Variants in RMI2 observed in about 807,000 individuals in gnomAD.
RMI2 encodes recQ-mediated genome instability protein 2.
In RMI2, 11 loss-of-function variants were observed where a neutral mutation model predicts 8.4. The observed-to-expected ratio is 1.32, with a 90% CI of 0.83 to 2.18. The LOEUF is 2.18. RMI2 is among the 30% of genes most tolerant of loss of function. The probability of loss-of-function intolerance (pLI) is 0.00; values close to 1 mark genes in which losing one functional copy is unlikely to be tolerated. For synonymous variants in RMI2, 105 were observed against 93.8 expected, an observed-to-expected ratio of 1.12 and a Z score of -0.69; for missense variants, 253 against 207.5, an observed-to-expected ratio of 1.22 and a Z score of -1.35.
Position 11,345,654 on chromosome 16 carries a change from G to A in RMI2, c.183G>A (p.Gln61=), listed in dbSNP as rs2141209714. 3 of 1,269,532 alleles carry A rather than the reference G, an allele frequency of 2.4e-6. No homozygotes were observed. Among genetic ancestry groups the A allele is most frequent in the Non-Finnish European group, 3.0e-6 (3 of 1,008,950 alleles). The allele number at this position is 1,269,532 out of a possible 1,614,324, so 78.6% of individuals were successfully genotyped here. ...TGGACCTGGCGGCCGTGTGGATGCA[G>A]GGCAGGGTAGTGATGGCGGACCGCG... ...GPLDLAAVWM[Q]GRVVMADRGE... Residue 61 remains glutamine (Q), a synonymous_variant, in exon 1 of 2, where the codon CAG becomes CAA. Coordinates refer to ENST00000312499, the MANE Select transcript of RMI2 (RefSeq NM_152308.3).
chr16:11,347,204 T>C (rs1398152142), intron 1 of RMI2, among the ~76,000 whole-genome samples: 2 of 152,168 alleles, frequency 1.3e-5, no homozygotes, highest in Admixed American at 6.5e-5. Context: ...GCCATGAGGA[T>C]GTGCAAGGTG....
In RMI2 at chr16:11,350,728, A is replaced by T. The variant is rs767881992; in HGVS notation, c.382A>T (p.Asn128Tyr). Residue 128 changes from asparagine (N) to tyrosine (Y), a missense_variant, in exon 2 of 2, where the codon AAT becomes TAT. By Grantham distance (143) the Asn-to-Tyr change is moderately radical (BLOSUM62 -2). Coordinates refer to ENST00000312499, the MANE Select transcript of RMI2 (RefSeq NM_152308.3). The stretch of plus-strand genomic sequence containing the variant: ...TGTGAAGATGACAGACCTTTCTGAT[A>T]ATCCCATCCATGAAAGTATGTGGGA... ...QAVKMTDLSDNPIHESMWELE... is the reference protein window; with the variant it reads ...QAVKMTDLSDYPIHESMWELE... 1.9e-6 allele frequency: 3 copies of T among 1,613,526 alleles called. No homozygotes were observed. Among genetic ancestry groups the T allele is most frequent in the Non-Finnish European group, 1.7e-6 (2 of 1,179,506 alleles).
Position 11,351,054 on chromosome 16 carries a change from G to C in RMI2, c.*264G>C. ...TGTTTCATTTTCCTTCCTGGTTTGT[G>C]TGTGTTAATTCTCTCTCTCTCTCTC... On this transcript the variant is annotated 3_prime_UTR_variant, in exon 2 of 2. Transcript: ENST00000312499. 5.9e-6 allele frequency: 2 copies of C among 339,884 alleles called. No homozygotes were observed. The highest frequency in any genetic ancestry group is 1.1e-5 in the Non-Finnish European group (2 of 186,294). 21.1% of individuals were successfully genotyped at this position (339,884 alleles called of 1,614,324 possible). A position where few individuals can be genotyped will look rare whatever the true frequency, so the allele number is the denominator to read the frequency against.
intron 1 of RMI2, 136 bp downstream of exon 1, chr16:11,345,902 G>A (rs1184071282): frequency 3.1e-6 from 2 of 653,984 alleles, no homozygotes; most frequent in Non-Finnish European, 4.3e-6. Context: ...CTGCCCCTGC[G>A]GGTCCCCGCT....
At position 11,345,511 on chromosome 16, in the gene RMI2, G is replaced by C. The variant is rs901712078; in HGVS notation, c.40G>C (p.Gly14Arg). 1.2e-5 allele frequency: 16 copies of C among 1,305,582 alleles called. No homozygotes were observed. Among genetic ancestry groups the C allele is most frequent in the Non-Finnish European group, 1.6e-5 (16 of 1,022,422 alleles). 80.9% of individuals were successfully genotyped at this position (1,305,582 alleles called of 1,614,324 possible). ...GGACTCGTTCTCAGGCGGCCCCGCG[G>C]GGGTGCGGCTTCCGAGGTCGCCGCC... ...AADSFSGGPAGVRLPRSPPLK... is the reference protein window; with the variant it reads ...AADSFSGGPARVRLPRSPPLK... Residue 14 changes from glycine (G) to arginine (R), a missense_variant, in exon 1 of 2, where the codon GGG becomes CGG. Physicochemically the swap from Gly to Arg is moderately radical, Grantham distance 125. Transcript: ENST00000312499.
rs1185235180 is a variant in RMI2 at position 11,345,502 on chromosome 16, G to A, written c.31G>A (p.Gly11Ser). 1 of 1,310,704 alleles carries A rather than the reference G, an allele frequency of 7.6e-7. No homozygotes were observed. The highest frequency in any genetic ancestry group is 2.2e-5 in the South Asian group (1 of 44,764). The allele number at this position is 1,310,704 out of a possible 1,614,324, so 81.2% of individuals were successfully genotyped here. A position where few individuals can be genotyped will look rare whatever the true frequency, so the allele number is the denominator to read the frequency against. Reference sequence around the variant, plus strand: ...GGCGGCTGCGGACTCGTTCTCAGGCGGCCCCGCGGGGGTGCGGCTTCCGAG... The same window carrying A: ...GGCGGCTGCGGACTCGTTCTCAGGCAGCCCCGCGGGGGTGCGGCTTCCGAG... Reference protein sequence around the residue: MAAAADSFSGGPAGVRLPRSP... With the variant: MAAAADSFSGSPAGVRLPRSP... Residue 11 changes from glycine to serine, a missense_variant, in exon 1 of 2, where the codon GGC becomes AGC. Transcript: ENST00000312499.
chr16:11,351,621 G>C lies in RMI2; in HGVS notation c.*831G>C. The C allele has an allele frequency of 4.3e-6, 1 of 231,654 alleles. No individual in the cohort carries two copies. The highest frequency in any genetic ancestry group is 6.1e-5 in the East Asian group (1 of 16,336). The allele number at this position is 231,654 out of a possible 1,614,324, so 14.3% of individuals were successfully genotyped here. Reference sequence around the variant, plus strand: ...TTTTGCTGTGATGGTTTTGAATGTTGGGTTTCTGCTGTCTGCTTAGTACCC... The same window carrying C: ...TTTTGCTGTGATGGTTTTGAATGTTCGGTTTCTGCTGTCTGCTTAGTACCC... On this transcript the variant is annotated 3_prime_UTR_variant, in exon 2 of 2. Coordinates refer to ENST00000312499, the MANE Select transcript of RMI2 (RefSeq NM_152308.3).
intron 1 of RMI2, 88 bp downstream of exon 1, chr16:11,345,854 G>C (rs1050204922): frequency 8.3e-6 from 9 of 1,078,320 alleles, no homozygotes; most frequent in Non-Finnish European, 1.1e-5. Context: ...GTTGACACTC[G>C]AACGGGGGCG....
At position 11,345,572 on chromosome 16, in the gene RMI2, C is replaced by T; in HGVS notation, c.101C>T (p.Ala34Val). 8.2e-7 allele frequency: 1 copy of T among 1,226,286 alleles called. No homozygotes were observed. Among genetic ancestry groups the T allele is most frequent in the Non-Finnish European group, 1.0e-6 (1 of 985,152 alleles). The allele number at this position is 1,226,286 out of a possible 1,614,324, so 76.0% of individuals were successfully genotyped here. ...CTGGCGGAGCAGCTGCGGCGCGACG[C>T]GGAGGGCGGCCCGGGCGCGTGGCGG... ...KVLAEQLRRD[A>V]EGGPGAWRLS... The change falls in exon 1 of 2, where the codon GCG (alanine) becomes GTG (valine). Residue 34 changes from alanine to valine, a missense_variant. Transcript: ENST00000312499.
In RMI2 at chr16:11,345,772, G is replaced by A. The variant is rs2070853709; in HGVS notation, c.295+6G>A. ...GCGGCCCTGTCTAGTCCCAGGTAATGCCCGGGCCTTACCGGGCGCCCTCTT... is the reference window on the plus strand; with the variant it reads ...GCGGCCCTGTCTAGTCCCAGGTAATACCCGGGCCTTACCGGGCGCCCTCTT... On this transcript the variant is annotated splice_donor_region_variant and intron_variant, in intron 1 of 1. Coordinates refer to ENST00000312499, the MANE Select transcript of RMI2 (RefSeq NM_152308.3). 4.0e-6 allele frequency: 5 copies of A among 1,235,150 alleles called. No individual in the cohort carries two copies. In the South Asian group the frequency reaches 1.6e-4, roughly 40 times the overall value. 76.5% of individuals were successfully genotyped at this position (1,235,150 alleles called of 1,614,324 possible). A position where few individuals can be genotyped will look rare whatever the true frequency, so the allele number is the denominator to read the frequency against.
At position 11,351,289 on chromosome 16, in the gene RMI2, G is replaced by T. The variant is rs1441052164; in HGVS notation, c.*499G>T. On this transcript the variant is annotated 3_prime_UTR_variant, in exon 2 of 2. Transcript: ENST00000312499. The stretch of plus-strand genomic sequence containing the variant: ...TCTTCATCAGCAACTACCATAACCA[G>T]TTTGCGAGTCAAATGGCATTTCCTA... 4 of 232,932 alleles carry T rather than the reference G, an allele frequency of 1.7e-5. No homozygotes were observed. The highest frequency in any genetic ancestry group is 1.1e-4 in the Admixed American group (2 of 17,774). 14.4% of individuals were successfully genotyped at this position (232,932 alleles called of 1,614,324 possible).
intron 1 of RMI2, among the ~76,000 whole-genome samples, chr16:11,346,608 T>A (rs2070875459): frequency 6.6e-6 from 1 of 152,060 alleles, no homozygotes; most frequent in African/African-American, 2.4e-5. Context: ...CCAGCATCAG[T>A]CTCTCCTGGA....
chr16:11,351,691 G>C lies in RMI2; in HGVS notation c.*901G>C, dbSNP rs2070978362. ...TTGTAAATATCAAAGGAGTTAGATTGTGTTCTGACATGGTTGTAGACTTTC... is the reference window on the plus strand; with the variant it reads ...TTGTAAATATCAAAGGAGTTAGATTCTGTTCTGACATGGTTGTAGACTTTC... On this transcript the variant is annotated 3_prime_UTR_variant, in exon 2 of 2. Coordinates refer to ENST00000312499, the MANE Select transcript of RMI2 (RefSeq NM_152308.3). 1 of 225,860 alleles carries C rather than the reference G, an allele frequency of 4.4e-6. No individual in the cohort carries two copies. Among genetic ancestry groups the C allele is most frequent in the Admixed American group, 5.7e-5 (1 of 17,550 alleles). 14.0% of individuals were successfully genotyped at this position (225,860 alleles called of 1,614,324 possible). A position where few individuals can be genotyped will look rare whatever the true frequency, so the allele number is the denominator to read the frequency against.
In RMI2 at chr16:11,351,319, C is replaced by T. The variant is rs1436268609; in HGVS notation, c.*529C>T. The T allele has an allele frequency of 4.3e-6, 1 of 232,876 alleles. No homozygotes were observed. Among genetic ancestry groups the T allele is most frequent in the Non-Finnish European group, 8.5e-6 (1 of 117,832 alleles). The allele number at this position is 232,876 out of a possible 1,614,324, so 14.4% of individuals were successfully genotyped here. On this transcript the variant is annotated 3_prime_UTR_variant, in exon 2 of 2. Coordinates refer to ENST00000312499, the MANE Select transcript of RMI2 (RefSeq NM_152308.3). ...CGAGTCAAATGGCATTTCCTAACGGCAGGCATGGCGGCCCCTGAAAGACAA... is the reference window on the plus strand; with the variant it reads ...CGAGTCAAATGGCATTTCCTAACGGTAGGCATGGCGGCCCCTGAAAGACAA...
intron 1 of RMI2, among the ~76,000 whole-genome samples, chr16:11,346,418 C>T (rs2070871998): frequency 6.6e-6 from 1 of 152,140 alleles, no homozygotes; most frequent in African/African-American, 2.4e-5. Flanking sequence ...TGCCACCACA[C>T]CCGGCTAATT....
chr16:11,350,760 G>A lies in RMI2; in HGVS notation c.414G>A (p.Glu138=), dbSNP rs147209311. 2.9e-5 allele frequency: 47 copies of A among 1,612,420 alleles called. No individual in the cohort carries two copies. The highest frequency in any genetic ancestry group is 3.8e-5 in the Non-Finnish European group (45 of 1,179,420). Residue 138 remains glutamate (E), a synonymous_variant, in exon 2 of 2, where the codon GAG becomes GAA. Transcript: ENST00000312499. Reference sequence around the variant, plus strand: ...TCCATGAAAGTATGTGGGAACTGGAGGTAGAAGATTTACACAGGAATATTC... The same window carrying A: ...TCCATGAAAGTATGTGGGAACTGGAAGTAGAAGATTTACACAGGAATATTC... ...NPIHESMWEL[E]VEDLHRNIP is the part of the protein sequence containing the mutation.
chr16:11,345,794 T>G lies in RMI2; in HGVS notation c.295+28T>G, dbSNP rs2070854654. 4 of 1,228,028 alleles carry G rather than the reference T, an allele frequency of 3.3e-6. No homozygotes were observed. In the Admixed American group the frequency reaches 1.7e-4, roughly 52 times the overall value. 76.1% of individuals were successfully genotyped at this position (1,228,028 alleles called of 1,614,324 possible). On this transcript the variant is annotated intron_variant, in intron 1 of 1. Coordinates refer to ENST00000312499, the MANE Select transcript of RMI2 (RefSeq NM_152308.3). The stretch of plus-strand genomic sequence containing the variant: ...AATGCCCGGGCCTTACCGGGCGCCC[T>G]CTTCCCTGCTGCCCGCCGAGAAGTT...
In RMI2 at chr16:11,345,682, G is replaced by T. The variant is rs769430053; in HGVS notation, c.211G>T (p.Glu71Ter). Residue 71 changes from glutamate to a stop codon, truncating the protein, a stop_gained, in exon 1 of 2, where the codon GAG (glutamate) becomes TAG (stop). Transcript: ENST00000312499. LOFTEE classifies it high-confidence loss of function. ...CAGGGTAGTGATGGCGGACCGCGGC[G>T]AGGCTCGGCTGAGGGACCCGAGCGG... Reference protein sequence around the residue: ...QGRVVMADRGEARLRDPSGDF... With the variant: ...QGRVVMADRG The T allele has an allele frequency of 1.3e-5, 17 of 1,271,264 alleles. No homozygotes were observed. The Admixed American group carries it at 3.4e-4, about 25-fold the overall frequency. 78.7% of individuals were successfully genotyped at this position (1,271,264 alleles called of 1,614,324 possible). A position where few individuals can be genotyped will look rare whatever the true frequency, so the allele number is the denominator to read the frequency against.
intron 1 of RMI2, among the ~76,000 whole-genome samples, chr16:11,346,442 G>T (rs1386716368): frequency 6.6e-6 from 1 of 152,030 alleles, no homozygotes; most frequent in African/African-American, 2.4e-5. Context: ...GTATTTTTTA[G>T]CAGAGACTGG....
Sources: allele counts gnomAD v4.1 joint callset (sites outside exome capture counted in the v4.1 genomes callset), GRCh38; gene constraint gnomAD v4.1.1; transcripts MANE v1.5; gene names NCBI Gene and HGNC (gene_info 2026-07-23, HGNC 2026-07-21).